Variants in ABCA2 observed in about 807,000 individuals in gnomAD.
The protein encoded by ABCA2 is ATP binding cassette subfamily A member 2.
ABCA2 carries 84 observed loss-of-function variants against 262.8 expected under a neutral mutation model. The ratio of observed to expected loss-of-function variants is 0.32; its 90% CI spans 0.27 to 0.38. ABCA2 has a LOEUF of 0.38. Among genes scored for constraint, ABCA2 ranks in the 10% least tolerant of loss-of-function variants. The pLI is 1.00. For missense variants in ABCA2, 2,662 were observed against 3,405.9 expected (o/e 0.78, Z 5.44); for synonymous variants, 1,696 against 1,502.9 (o/e 1.13, Z -2.97).
chr9:137,025,860 G>A (rs1436079529), intron 1 of ABCA2, among the ~76,000 whole-genome samples: 3 of 152,214 alleles, frequency 2.0e-5, no homozygotes, highest in Non-Finnish European at 2.9e-5. Context: ...GGCAGGCGGC[G>A]GGCGCCACAG....
Position 137,021,782 on chromosome 9 carries a change from C to T in ABCA2, c.678+109G>A, listed in dbSNP as rs1223898664. 1 of 1,278,634 alleles carries T rather than the reference C, an allele frequency of 7.8e-7. No individual in the cohort carries two copies. Among genetic ancestry groups the T allele is most frequent in the African/African-American group, 1.5e-5 (1 of 67,580 alleles). 79.2% of individuals were successfully genotyped at this position (1,278,634 alleles called of 1,614,324 possible). On this transcript the variant is annotated intron_variant, in intron 7 of 48. Coordinates refer to ENST00000341511, the MANE Select transcript of ABCA2 (RefSeq NM_001606.5). The surrounding 1 kb of genome is among the most constrained non-coding windows in gnomAD (Gnocchi z 6.0). Reference sequence around the variant, plus strand: ...AGACCCCTGGGACCCTCCCCCTCTCCCAGGAGGAGCTCCAAGTCACCAAAG... The same window carrying T: ...AGACCCCTGGGACCCTCCCCCTCTCTCAGGAGGAGCTCCAAGTCACCAAAG...
In ABCA2 at chr9:137,014,048, G is replaced by A; in HGVS notation, c.4241-10C>T. The stretch of plus-strand genomic sequence containing the variant: ...GCCTCTGCCTCCACCTCTGTGCAGA[G>A]AGGTAGAGGCTGAGCAGGTGGTTGC... On this transcript the variant is annotated splice_polypyrimidine_tract_variant and intron_variant, in intron 27 of 48. Transcript: ENST00000341511. 5.0e-6 allele frequency: 8 copies of A among 1,609,468 alleles called. No homozygotes were observed. The highest frequency in any genetic ancestry group is 2.2e-5 in the South Asian group (2 of 90,960).
In ABCA2 at chr9:137,014,976, C is replaced by T. The variant is rs2271864; in HGVS notation, c.3819G>A (p.Thr1273=). The T allele has an allele frequency of 1.7e-4, 270 of 1,580,548 alleles. No homozygotes were observed. In the East Asian group the frequency reaches 5.7e-3, roughly 34 times the overall value. The part of the protein sequence containing the change: ...ASCLLVSDTS[T]ELSYILPSEA... Reference sequence around the variant, plus strand: ...CGCTGGGCAGGATGTAGGAGAGCTCCGTGCTTGTGTCTGAGACCAGCAGGC... The same window carrying T: ...CGCTGGGCAGGATGTAGGAGAGCTCTGTGCTTGTGTCTGAGACCAGCAGGC... The change falls in exon 25 of 49, where the codon ACG becomes ACA. Residue 1273 remains threonine, a synonymous_variant. Coordinates refer to ENST00000341511, the MANE Select transcript of ABCA2 (RefSeq NM_001606.5).
In ABCA2 at chr9:137,015,904, C is replaced by T. The variant is rs1831241300; in HGVS notation, c.3318-33G>A. 3.7e-6 allele frequency: 6 copies of T among 1,607,300 alleles called. No individual in the cohort carries two copies. In the South Asian group the frequency reaches 5.5e-5, roughly 15 times the overall value. On this transcript the variant is annotated intron_variant, in intron 22 of 48. Coordinates refer to ENST00000341511, the MANE Select transcript of ABCA2 (RefSeq NM_001606.5). Reference sequence around the variant, plus strand: ...AGGGAGGTGGGGCATGGGGCTGCTGCTATGCAGAGCCCCAGGGCCTCCGCC... The same window carrying T: ...AGGGAGGTGGGGCATGGGGCTGCTGTTATGCAGAGCCCCAGGGCCTCCGCC...
In ABCA2 at chr9:137,014,902, C is replaced by G; in HGVS notation, c.3882+11G>C. 3 of 1,575,746 alleles carry G rather than the reference C, an allele frequency of 1.9e-6. No individual in the cohort carries two copies. The highest frequency in any genetic ancestry group is 1.3e-5 in the African/African-American group (1 of 74,448). ...ACCTGCAACTGCCCCCCGACCCGTG[C>G]GCCCTCACACCTGGAAGAGGCGCTC... On this transcript the variant is annotated intron_variant, in intron 25 of 48. Transcript: ENST00000341511.
At chr9:137,014,484 AC>A in intron 26 of ABCA2, 80 bp from the exon 27 acceptor site, 1 of 1,485,238 alleles carries the variant, frequency 6.7e-7, no homozygotes. Flanking sequence ...CCCGGTCTTG[AC>A]CCCAGTTCCC....
chr9:137,020,183 TC>T (rs1831402117), intron 10 of ABCA2, 152 bp downstream of exon 10: 1 of 959,636 alleles, frequency 1.0e-6, no homozygotes, highest in Admixed American at 2.5e-5. Context: ...GACCCCCTGG[TC>T]CCCCACCTGC....
Position 137,007,670 on chromosome 9 carries a change from C to T in ABCA2, c.*259G>A, listed in dbSNP as rs1270548862. ...AGGCAGGGGCGAGGGGCCGGGCAGACCCCGAGGCTTTAAGGCAAAGCAGGG... is the reference window on the plus strand; with the variant it reads ...AGGCAGGGGCGAGGGGCCGGGCAGATCCCGAGGCTTTAAGGCAAAGCAGGG... On this transcript the variant is annotated 3_prime_UTR_variant, in exon 49 of 49. Transcript: ENST00000341511. 1 of 571,418 alleles carries T rather than the reference C, an allele frequency of 1.8e-6. No individual in the cohort carries two copies. Among genetic ancestry groups the T allele is most frequent in the East Asian group, 3.1e-5 (1 of 32,682 alleles). The allele number at this position is 571,418 out of a possible 1,614,324, so 35.4% of individuals were successfully genotyped here.
rs765936788 is a variant in ABCA2 at position 137,010,925 on chromosome 9, C to G, written c.6056+48G>C. ...CCCCTACCCTGCCCCACCCCCGAAC[C>G]CATCCCTGCTCCCGCCCCGCCCCCG... On this transcript the variant is annotated intron_variant, in intron 39 of 48. Transcript: ENST00000341511. 665 of 690,036 alleles carry G rather than the reference C, an allele frequency of 9.6e-4. 2 individuals carry two copies. Among genetic ancestry groups the G allele is most frequent in the Middle Eastern group, 2.1e-3 (5 of 2,434 alleles). 42.7% of individuals were successfully genotyped at this position (690,036 alleles called of 1,614,324 possible). A position where few individuals can be genotyped will look rare whatever the true frequency, so the allele number is the denominator to read the frequency against.
At chr9:137,010,845 C>A in intron 39 of ABCA2, 108 bp from the exon 40 acceptor site, 3 of 1,420,012 alleles carry the variant, frequency 2.1e-6, no homozygotes, top group Non-Finnish European at 2.9e-6. Context: ...GTGGGCAGGC[C>A]CCTCTGCTGT....
intron 1 of ABCA2, among the ~76,000 whole-genome samples, chr9:137,026,570 G>A (rs1053197989): frequency 6.6e-6 from 1 of 152,186 alleles, no homozygotes; most frequent in Non-Finnish European, 1.5e-5. Context: ...TGGGAGCCCT[G>A]TAGGGTGGGG....
rs1201657940 is a variant in ABCA2, at chr9:137,013,939, C to T, written c.4340G>A (p.Arg1447His). 3.7e-6 allele frequency: 6 copies of T among 1,611,484 alleles called. No homozygotes were observed. The highest frequency in any genetic ancestry group is 1.1e-5 in the South Asian group (1 of 90,986). Residue 1447 changes from arginine to histidine, a missense_variant, in exon 28 of 49, where the codon CGC becomes CAC. Arg to His is a conservative substitution (Grantham distance 29, BLOSUM62 0). Coordinates refer to ENST00000341511, the MANE Select transcript of ABCA2 (RefSeq NM_001606.5). ...VRQFHGLLVK[R>H]FHCARRNSKA... The stretch of plus-strand genomic sequence containing the variant: ...GGAGTTGCGGCGGGCGCAGTGGAAG[C>T]GTTTGACCAGCAGCCCGTGGAACTG...
rs73564312 is a variant in ABCA2, at chr9:137,016,320, G to A, written c.3075C>T (p.Gly1025=). The A allele has an allele frequency of 2.5e-3, 4,112 of 1,612,776 alleles. 99 individuals carry two copies. In the African/African-American group the frequency reaches 0.048, roughly 19 times the overall value. Reference sequence around the variant, plus strand: ...TGGTGGTCTTGCCCGCCCCGTTGTGGCCCAAGAAGGAGACCACCTGGTTCT... The same window carrying A: ...TGGTGGTCTTGCCCGCCCCGTTGTGACCCAAGAAGGAGACCACCTGGTTCT... ...LYENQVVSFL[G]HNGAGKTTTM... is the part of the protein sequence containing the mutation. The change falls in exon 21 of 49, where the codon GGC becomes GGT. Residue 1025 remains glycine, a synonymous_variant. Coordinates refer to ENST00000341511, the MANE Select transcript of ABCA2 (RefSeq NM_001606.5).
At position 137,025,486 on chromosome 9, in the gene ABCA2, C is replaced by G. The variant is rs934820770; in HGVS notation, c.67-1250G>C. Among the ~76,000 whole-genome samples the G allele has an allele frequency of 3.3e-5, 5 of 152,240 alleles. No individual in the cohort carries two copies. In the East Asian group the frequency reaches 9.6e-4, roughly 29 times the overall value. On this transcript the variant is annotated intron_variant, in intron 1 of 48. Coordinates refer to ENST00000341511, the MANE Select transcript of ABCA2 (RefSeq NM_001606.5). Reference sequence around the variant, plus strand: ...TGCTGTGTGGCCCGGGCCGAGTCCCCGGTCCCTGGGGTGGGGGCGGCTGCT... The same window carrying G: ...TGCTGTGTGGCCCGGGCCGAGTCCCGGGTCCCTGGGGTGGGGGCGGCTGCT...
chr9:137,013,281 C>T lies in ABCA2; in HGVS notation c.4588G>A (p.Val1530Met), dbSNP rs1338370446. ...CCCGACGGCAGCCGGAACGTGCTCA[C>T]GAGCTGCTGGGGGCTGGCGTCGGGC... is the stretch of plus-strand genomic sequence containing the variant. Reference protein sequence around the residue: ...LSPDASPQQLVSTFRLPSGVG... With the variant: ...LSPDASPQQLMSTFRLPSGVG... Residue 1530 changes from valine (V) to methionine (M), a missense_variant, in exon 30 of 49, where the codon GTG becomes ATG. Physicochemically the swap from Val to Met is conservative, Grantham distance 21. This residue lies in a region of ABCA2 where 192 missense variants were observed against 207.2 expected (regional missense o/e 0.93). Coordinates refer to ENST00000341511, the MANE Select transcript of ABCA2 (RefSeq NM_001606.5). 7.0e-6 allele frequency: 11 copies of T among 1,581,410 alleles called. No individual in the cohort carries two copies. Among genetic ancestry groups the T allele is most frequent in the South Asian group, 4.5e-5 (4 of 88,266 alleles).
chr9:137,014,521 C>T (rs1831183876), intron 26 of ABCA2, 117 bp from the exon 27 acceptor site: 4 of 1,447,244 alleles, frequency 2.8e-6, no homozygotes, highest in Admixed American at 4.3e-5. Context: ...TCCGGGACCT[C>T]TGGCCACCAG....
In ABCA2 at chr9:137,013,812, C is replaced by T; in HGVS notation, c.4447+20G>A. The stretch of plus-strand genomic sequence containing the variant: ...GTGGGGGGAGGCAAGCCCAGCACCC[C>T]TGTCCAGCCGGTGGCCTACCAATCT... On this transcript the variant is annotated intron_variant, in intron 28 of 48. Transcript: ENST00000341511. 1 of 1,585,036 alleles carries T rather than the reference C, an allele frequency of 6.3e-7. No homozygotes were observed. Among genetic ancestry groups the T allele is most frequent in the Non-Finnish European group, 8.6e-7 (1 of 1,167,020 alleles).
Position 137,019,167 on chromosome 9 carries a change from A to C in ABCA2, c.1554+11T>G. 3.1e-6 allele frequency: 5 copies of C among 1,608,644 alleles called. No individual in the cohort carries two copies. Among genetic ancestry groups the C allele is most frequent in the Non-Finnish European group, 4.2e-6 (5 of 1,177,076 alleles). ...ACCCACAGCCGCCTCCCTCGCGGGCACCCTTGGCACCTGCTGCAGCCAGCG... is the reference window on the plus strand; with the variant it reads ...ACCCACAGCCGCCTCCCTCGCGGGCCCCCTTGGCACCTGCTGCAGCCAGCG... On this transcript the variant is annotated intron_variant, in intron 11 of 48. Coordinates refer to ENST00000341511, the MANE Select transcript of ABCA2 (RefSeq NM_001606.5). The surrounding 1 kb of genome is among the most constrained non-coding windows in gnomAD (Gnocchi z 4.4).
rs771849787 is a variant in ABCA2 at position 137,009,808 on chromosome 9, C to T, written c.6591G>A (p.Thr2197=). 4.2e-5 allele frequency: 68 copies of T among 1,612,340 alleles called. No homozygotes were observed. Among genetic ancestry groups the T allele is most frequent in the Middle Eastern group, 1.6e-4 (1 of 6,068 alleles). ...YSGGNKRKLS[T]AIALIGYPAF... is the part of the protein sequence containing the mutation. ...CTGGGTACCCAATGAGGGCGATGGCCGTGGAGAGCTTCCGCTTGTTGCCGC... is the reference window on the plus strand; with the variant it reads ...CTGGGTACCCAATGAGGGCGATGGCTGTGGAGAGCTTCCGCTTGTTGCCGC... Residue 2197 remains threonine (T), a synonymous_variant, in exon 43 of 49, where the codon ACG becomes ACA. Coordinates refer to ENST00000341511, the MANE Select transcript of ABCA2 (RefSeq NM_001606.5).
Sources: allele counts gnomAD v4.1 joint callset (sites outside exome capture counted in the v4.1 genomes callset), GRCh38; gene constraint gnomAD v4.1.1; regional missense constraint gnomAD v4.1.1; non-coding constraint Gnocchi (gnomAD v3.1); transcripts MANE v1.5; gene names NCBI Gene and HGNC (gene_info 2026-07-23, HGNC 2026-07-21).